PPP3CC: variants seen among roughly 807,000 people sequenced by gnomAD.
PPP3CC encodes the protein serine/threonine-protein phosphatase 2B catalytic subunit gamma isoform.
A neutral mutation model predicts 60.3 loss-of-function variants in PPP3CC; 35 were observed. That is an observed-to-expected ratio of 0.58 (90% CI 0.44 to 0.77). The LOEUF is 0.77. Ranked by LOEUF, PPP3CC falls within the 30% of genes least tolerant of loss-of-function variation. The pLI, the probability that PPP3CC is intolerant of heterozygous loss-of-function variation, is 0.00. For missense variants in PPP3CC, 570 were observed against 628.9 expected, an observed-to-expected ratio of 0.91 and a Z score of 1.00; for synonymous variants, 206 against 224.3, an observed-to-expected ratio of 0.92 and a Z score of 0.73.
intron 3 of PPP3CC, among the ~76,000 whole-genome samples, chr8:22,493,275 T>A (rs1838462617): frequency 6.6e-6 from 1 of 152,152 alleles, no homozygotes; most frequent in Non-Finnish European, 1.5e-5. Context: ...CTCTTTTCAG[T>A]TTTTGCTTAT....
rs557618290 is a variant in PPP3CC at position 22,527,787 on chromosome 8, C to T, written c.1069+270C>T. 2.0e-5 allele frequency among the ~76,000 whole-genome samples: 3 copies of T among 152,200 alleles called. No homozygotes were observed. In the East Asian group the frequency reaches 5.8e-4, roughly 29 times the overall value. On this transcript the variant is annotated intron_variant, in intron 9 of 13. Transcript: ENST00000240139. ...AGGAGCTGGGATTATAGGCACGTGC[C>T]ACTGCACCCGGCTAATTTTTGCATT...
At chr8:22,515,222 A>T (rs563145189) in intron 6 of PPP3CC, among the ~76,000 whole-genome samples, 2 of 152,138 alleles carry the variant, frequency 1.3e-5, no homozygotes, top group Non-Finnish European at 2.9e-5. Flanking sequence ...GAACGTGTGA[A>T]GTTTGTCTTC....
At chr8:22,501,901 C>G (rs1586839431) in intron 4 of PPP3CC, among the ~76,000 whole-genome samples, 1 of 152,140 alleles carries the variant, frequency 6.6e-6, no homozygotes, top group Non-Finnish European at 1.5e-5. Flanking sequence ...GTGGTACAAG[C>G]CTGTAGTCCC....
intron 4 of PPP3CC, among the ~76,000 whole-genome samples, chr8:22,507,606 C>T (rs1309777077): frequency 2.6e-5 from 4 of 152,102 alleles, no homozygotes; most frequent in Non-Finnish European, 5.9e-5. Flanking sequence ...AGTAATAATA[C>T]CTACTTCACA....
At chr8:22,441,570 T>C (rs1836672114) in intron 1 of PPP3CC, 112 bp downstream of exon 1, 2 of 1,227,696 alleles carry the variant, frequency 1.6e-6, no homozygotes, top group African/African-American at 1.6e-5. Context: ...CTAGGAGGGC[T>C]CGGAGGGGTG....
chr8:22,484,337 TAGTA>T (rs1838161264), intron 3 of PPP3CC, among the ~76,000 whole-genome samples: 1 of 151,848 alleles, frequency 6.6e-6, no homozygotes, highest in East Asian at 1.9e-4. Context: ...GCATACAACA[TAGTA>T]TATATATATA....
At chr8:22,508,217 T>A (rs548431147) in intron 4 of PPP3CC, among the ~76,000 whole-genome samples, 2 of 152,286 alleles carry the variant, frequency 1.3e-5, no homozygotes, top group Non-Finnish European at 2.9e-5. Context: ...ATTGCACTAC[T>A]GCACTCCAGC....
In PPP3CC at chr8:22,475,138, T is replaced by TG; in HGVS notation, c.235dup (p.Ala79GlyfsTer8). 1 of 1,611,106 alleles carries TG rather than the reference T, an allele frequency of 6.2e-7. No homozygotes were observed. Among genetic ancestry groups the TG allele is most frequent in the African/African-American group, 1.3e-5 (1 of 75,000 alleles). On this transcript the variant is annotated frameshift_variant, in exon 2 of 14. Transcript: ENST00000240139. LOFTEE classifies it high-confidence loss of function. ...AAGAGAAGACTATGATAGAAGTAGA[T>TG]GCTCCAATCACAGGTATAAAAAGTC...
chr8:22,483,740 C>A (rs1007576563), intron 3 of PPP3CC, among the ~76,000 whole-genome samples: 2 of 152,130 alleles, frequency 1.3e-5, no homozygotes, highest in Non-Finnish European at 2.9e-5. Context: ...TCTTAAATAA[C>A]CATTTTATTT....
At chr8:22,464,243 A>G (rs1011898733) in intron 1 of PPP3CC, among the ~76,000 whole-genome samples, 61 of 152,288 alleles carry the variant, frequency 4.0e-4, no homozygotes, top group African/African-American at 1.4e-3. Flanking sequence ...AGAGTATGCC[A>G]AACAAAGCTA....
rs530024790 is a variant in PPP3CC at position 22,525,664 on chromosome 8, C to T, written c.944-1728C>T. On this transcript the variant is annotated intron_variant, in intron 8 of 13. Coordinates refer to ENST00000240139, the MANE Select transcript of PPP3CC (RefSeq NM_005605.5). ...CCTCGACTTCCTGGGCTCAAGTGAT[C>T]CTCCCACCTCAGCCTCCCAACTAGC... Among the ~76,000 whole-genome samples the T allele has an allele frequency of 2.0e-5, 3 of 151,804 alleles. No individual in the cohort carries two copies. In the South Asian group the frequency reaches 6.3e-4, roughly 32 times the overall value.
At chr8:22,441,718 C>T (rs1836678640) in intron 1 of PPP3CC, among the ~76,000 whole-genome samples, 1 of 152,222 alleles carries the variant, frequency 6.6e-6, no homozygotes. Context: ...TCTTCTCCCA[C>T]CGCCCCGAAG....
At chr8:22,482,297 T>C (rs1208537331) in intron 3 of PPP3CC, among the ~76,000 whole-genome samples, 1 of 152,248 alleles carries the variant, frequency 6.6e-6, no homozygotes, top group Non-Finnish European at 1.5e-5. Context: ...ATGATGAGCT[T>C]TTTTTCATAT....
intron 3 of PPP3CC, among the ~76,000 whole-genome samples, chr8:22,476,561 A>G (rs922375989): frequency 6.6e-6 from 1 of 152,176 alleles, no homozygotes; most frequent in African/African-American, 2.4e-5. Flanking sequence ...CAGTTGCTCT[A>G]TTGCTGTAGA....
chr8:22,506,541 G>A (rs1048822694), intron 4 of PPP3CC, among the ~76,000 whole-genome samples: 6 of 152,206 alleles, frequency 3.9e-5, no homozygotes, highest in Admixed American at 2.6e-4. Flanking sequence ...GTCTGCATGT[G>A]TATGCATAGA....
intron 12 of PPP3CC, among the ~76,000 whole-genome samples, chr8:22,533,567 G>C (rs745655003): frequency 2.0e-5 from 3 of 152,264 alleles, no homozygotes; most frequent in Non-Finnish European, 2.9e-5. Flanking sequence ...GCTCACGCCT[G>C]TAATCCCAGC....
chr8:22,468,821 T>A, intron 1 of PPP3CC, among the ~76,000 whole-genome samples: 1 of 152,198 alleles, frequency 6.6e-6, no homozygotes, highest in East Asian at 1.9e-4. Flanking sequence ...AGCAATATTT[T>A]TAGTCTCATA....
At chr8:22,486,876 C>A (rs1375812594) in intron 3 of PPP3CC, among the ~76,000 whole-genome samples, 1 of 151,638 alleles carries the variant, frequency 6.6e-6, no homozygotes, top group Non-Finnish European at 1.5e-5. Flanking sequence ...ATTACAGGCA[C>A]CCACCACCAC....
At chr8:22,488,055 A>G (rs529857709) in intron 3 of PPP3CC, among the ~76,000 whole-genome samples, 1 of 152,352 alleles carries the variant, frequency 6.6e-6, no homozygotes, top group East Asian at 1.9e-4. Flanking sequence ...ATGACATTAT[A>G]CTATGGGTGG....
Sources: allele counts gnomAD v4.1 joint callset (sites outside exome capture counted in the v4.1 genomes callset), GRCh38; gene constraint gnomAD v4.1.1; transcripts MANE v1.5; gene names NCBI Gene and HGNC (gene_info 2026-07-23, HGNC 2026-07-21).